VWF: variants seen among roughly 807,000 people sequenced by gnomAD.
VWF encodes von Willebrand factor.
In VWF, 176 loss-of-function variants were observed where a neutral mutation model predicts 308.6. The ratio of observed to expected loss-of-function variants is 0.57; its 90% CI spans 0.50 to 0.65. The LOEUF (loss-of-function observed/expected upper bound fraction) is 0.65, where lower values mean the gene tolerates loss of function less well. Among genes scored for constraint, VWF ranks in the 30% least tolerant of loss-of-function variants. VWF has a pLI of 0.00. For missense variants in VWF, 3,146 were observed against 3,648.2 expected (o/e 0.86, Z 3.55); for synonymous variants, 1,385 against 1,443.4 (o/e 0.96, Z 0.92).
intron 8 of VWF, among the ~76,000 whole-genome samples, chr12:6,073,417 G>A (rs1201632537): frequency 6.6e-6 from 1 of 152,182 alleles, no homozygotes; most frequent in East Asian, 1.9e-4. Context: ...TGCGTTCATG[G>A]ATACAGTACA....
At position 6,123,327 on chromosome 12, in the gene VWF, C is replaced by A. The variant is rs1945451677; in HGVS notation, c.1-131G>T. ...GGAGAAAAGATTGATCCTCGTGACC[C>A]CCTTTTCCCCTTTGAACATGGACTT... On this transcript the variant is annotated intron_variant, in intron 1 of 51. Transcript: ENST00000261405. 7.4e-6 allele frequency: 8 copies of A among 1,083,176 alleles called. No homozygotes were observed. The South Asian group carries it at 1.1e-4, about 14-fold the overall frequency. 67.1% of individuals were successfully genotyped at this position (1,083,176 alleles called of 1,614,324 possible).
At chr12:6,031,675 T>G in intron 20 of VWF, 97 bp from the exon 21 acceptor site, 1 of 1,587,556 alleles carries the variant, frequency 6.3e-7, no homozygotes, top group South Asian at 1.1e-5. Context: ...TTTGAGTACG[T>G]GTCACAGGAT....
chr12:6,021,015 G>A (rs1019387590), intron 27 of VWF: 1 of 152,150 alleles, frequency 6.6e-6, no homozygotes, highest in Non-Finnish European at 1.5e-5. Flanking sequence ...GTCTTACTAG[G>A]AAGTTAATTC....
chr12:5,949,950 A>C, intron 50 of VWF, 67 bp from the exon 51 acceptor site: 2 of 1,455,026 alleles, frequency 1.4e-6, no homozygotes. Flanking sequence ...CTTCAGCCCC[A>C]GTGCCCTCAC....
Position 6,052,796 on chromosome 12 carries a change from G to C in VWF, c.1946-13C>G. ...GGGCAGTTCAGCTCTAGAAGAGAGA[G>C]GAGAAGTAAGGCCTCAGCGGGAATG... is the stretch of plus-strand genomic sequence containing the variant. On this transcript the variant is annotated splice_polypyrimidine_tract_variant and intron_variant, in intron 15 of 51. Coordinates refer to ENST00000261405, the MANE Select transcript of VWF (RefSeq NM_000552.5). 2 of 1,502,706 alleles carry C rather than the reference G, an allele frequency of 1.3e-6. No individual in the cohort carries two copies. The highest frequency in any genetic ancestry group is 1.8e-6 in the Non-Finnish European group (2 of 1,130,842). The allele number at this position is 1,502,706 out of a possible 1,614,324, so 93.1% of individuals were successfully genotyped here. A position where few individuals can be genotyped will look rare whatever the true frequency, so the allele number is the denominator to read the frequency against.
intron 8 of VWF, among the ~76,000 whole-genome samples, 200 bp downstream of exon 8, chr12:6,073,419 T>C (rs188260772): frequency 4.6e-5 from 7 of 152,294 alleles, no homozygotes; most frequent in African/African-American, 1.7e-4. Context: ...CGTTCATGGA[T>C]ACAGTACAAC....
intron 45 of VWF, among the ~76,000 whole-genome samples, chr12:5,968,764 T>C (rs1045049011): frequency 6.6e-6 from 1 of 152,226 alleles, no homozygotes; most frequent in South Asian, 2.1e-4. Flanking sequence ...CACTGCACTC[T>C]AGCCTATCCA....
At chr12:6,014,317 G>A (rs1475906072) in intron 31 of VWF, among the ~76,000 whole-genome samples, 1 of 152,186 alleles carries the variant, frequency 6.6e-6, no homozygotes, top group Non-Finnish European at 1.5e-5. Flanking sequence ...ACAGAGCAGA[G>A]GGACAGGAGC....
At chr12:6,047,285 T>C (rs1227433951) in intron 16 of VWF, among the ~76,000 whole-genome samples, 1 of 152,172 alleles carries the variant, frequency 6.6e-6, no homozygotes, top group Non-Finnish European at 1.5e-5. Flanking sequence ...GACCGCTCCT[T>C]TGAACCCCAG....
intron 17 of VWF, among the ~76,000 whole-genome samples, chr12:6,045,714 T>C (rs1944440397): frequency 1.3e-5 from 2 of 152,146 alleles, no homozygotes; most frequent in South Asian, 4.1e-4. Flanking sequence ...ACTGGGTCCC[T>C]TGGACAGAAG....
chr12:6,058,125 T>TAAA lies in VWF; in HGVS notation c.1534-84_1534-82dup. ...TGTTTAGCTAATGAGATGGTTTTAA[T>TAAA]AAAAAAAAAAAAGTTCCCCGGGTGA... On this transcript the variant is annotated intron_variant, in intron 13 of 51. Transcript: ENST00000261405. This position sits in a 1 kb window ranked among gnomAD's most constrained non-coding sequence, Gnocchi z 4.9. 7.7e-6 allele frequency: 9 copies of TAAA among 1,169,962 alleles called. No individual in the cohort carries two copies. Among genetic ancestry groups the TAAA allele is most frequent in the East Asian group, 6.3e-5 (2 of 31,876 alleles). The allele number at this position is 1,169,962 out of a possible 1,614,324, so 72.5% of individuals were successfully genotyped here.
Position 6,019,776 on chromosome 12 carries a change from C to G in VWF, c.3675-33G>C. 1 of 1,583,682 alleles carries G rather than the reference C, an allele frequency of 6.3e-7. No homozygotes were observed. Among genetic ancestry groups the G allele is most frequent in the Non-Finnish European group, 8.6e-7 (1 of 1,166,516 alleles). On this transcript the variant is annotated intron_variant, in intron 27 of 51. Coordinates refer to ENST00000261405, the MANE Select transcript of VWF (RefSeq NM_000552.5). The surrounding 1 kb of genome is among the most constrained non-coding windows in gnomAD (Gnocchi z 5.8). ...AAAGAGCGAAGAAATTAAAATGGTT[C>G]AGGAAGAACCTGTGGACACTTCTGA...
chr12:5,970,193 C>G (rs1943455818), intron 44 of VWF, among the ~76,000 whole-genome samples: 1 of 152,196 alleles, frequency 6.6e-6, no homozygotes, highest in African/African-American at 2.4e-5. Context: ...AGACTTCTCC[C>G]TCCTCTGATT....
intron 47 of VWF, among the ~76,000 whole-genome samples, chr12:5,964,172 T>G (rs544221739): frequency 6.2e-4 from 86 of 139,044 alleles, no homozygotes; most frequent in East Asian, 3.8e-3. Flanking sequence ...AGCCGAGATC[T>G]CACCACTGCA....
chr12:6,005,867 A>G (rs1943919835), intron 34 of VWF, among the ~76,000 whole-genome samples: 1 of 152,238 alleles, frequency 6.6e-6, no homozygotes, highest in African/African-American at 2.4e-5. Context: ...TGCTAAAGGG[A>G]GTCCATCATG....
In VWF at chr12:6,104,799, C is replaced by T. The variant is rs138190206; in HGVS notation, c.532+5575G>A. ...TCAATATATCAAAAATATACCTGCA[C>T]TAGTATATTTATTGTGCATTATTCA... On this transcript the variant is annotated intron_variant, in intron 5 of 51. Coordinates refer to ENST00000261405, the MANE Select transcript of VWF (RefSeq NM_000552.5). Among the ~76,000 whole-genome samples, 1,057 of 152,224 alleles carry T rather than the reference C, an allele frequency of 6.9e-3. 16 individuals carry two copies. Among genetic ancestry groups the T allele is most frequent in the African/African-American group, 0.022 (916 of 41,544 alleles).
At chr12:5,962,843 C>G (rs922363386) in intron 47 of VWF, among the ~76,000 whole-genome samples, 2 of 152,174 alleles carry the variant, frequency 1.3e-5, no homozygotes, top group African/African-American at 4.8e-5. Flanking sequence ...GCCAGCACGC[C>G]CGGCCAGCAA....
chr12:6,111,798 GA>G (rs1333180293), intron 3 of VWF, among the ~76,000 whole-genome samples: 14 of 148,590 alleles, frequency 9.4e-5, no homozygotes, highest in African/African-American at 2.2e-4. Flanking sequence ...AAAATATGAA[GA>G]AAAAAAAAAT....
In VWF at chr12:5,994,019, A is replaced by G. The variant is rs745963903; in HGVS notation, c.6441T>C (p.Phe2147=). The stretch of plus-strand genomic sequence containing the variant: ...GAGCCAGGACCTTGTGGCATTCAGC[A>G]AACAGTGGTAAGAGGAGGACCTGGC... ...SHCQVLLLPL[F]AECHKVLAPA... The change falls in exon 37 of 52, where the codon TTT becomes TTC. Residue 2147 remains phenylalanine, a synonymous_variant. Transcript: ENST00000261405. The G allele has an allele frequency of 1.9e-5, 30 of 1,614,072 alleles. No homozygotes were observed. In the South Asian group the frequency reaches 3.1e-4, roughly 17 times the overall value.
Sources: allele counts gnomAD v4.1 joint callset (sites outside exome capture counted in the v4.1 genomes callset), GRCh38; gene constraint gnomAD v4.1.1; non-coding constraint Gnocchi (gnomAD v3.1); transcripts MANE v1.5; gene names NCBI Gene and HGNC (gene_info 2026-07-23, HGNC 2026-07-21).